FUT8: variants seen among roughly 807,000 people sequenced by gnomAD.
The protein encoded by FUT8 is alpha-(1,6)-fucosyltransferase.
In FUT8, 29 loss-of-function variants were observed where a neutral mutation model predicts 71.3. The ratio of observed to expected loss-of-function variants is 0.41; its 90% CI spans 0.30 to 0.55. FUT8 has a LOEUF of 0.55. Among genes scored for constraint, FUT8 ranks in the 20% least tolerant of loss-of-function variants. The pLI is 0.34. For missense variants in FUT8, 544 were observed against 702.1 expected (o/e 0.77, Z 2.55); for synonymous variants, 254 against 239.3 (o/e 1.06, Z -0.57).
rs1050346158 is a variant in FUT8, at chr14:65,652,419, T to C, written c.598-16824T>C. Among the ~76,000 whole-genome samples the C allele has an allele frequency of 2.0e-4, 31 of 152,186 alleles. No homozygotes were observed. The highest frequency in any genetic ancestry group is 1.2e-3 in the Admixed American group (19 of 15,284). On this transcript the variant is annotated intron_variant, in intron 6 of 10. Coordinates refer to ENST00000673929, the MANE Select transcript of FUT8 (RefSeq NM_001371533.1). The surrounding 1 kb of genome is among the most constrained non-coding windows in gnomAD (Gnocchi z 4.0). Reference sequence around the variant, plus strand: ...TGGAGAGCACATAAGAAAAAAACTTTTAGTGTACTTCTTCTTCTGGCCTTT... The same window carrying C: ...TGGAGAGCACATAAGAAAAAAACTTCTAGTGTACTTCTTCTTCTGGCCTTT...
the FUT8 span, among the ~76,000 whole-genome samples, chr14:65,379,494 C>T: frequency 6.6e-6 from 1 of 151,940 alleles, no homozygotes; most frequent in Non-Finnish European, 1.5e-5. Flanking sequence ...GGCGCCACTG[C>T]ACTCCAGCCT....
chr14:65,515,501 A>G (rs962080241), intron 2 of FUT8, among the ~76,000 whole-genome samples: 2 of 151,674 alleles, frequency 1.3e-5, no homozygotes, highest in Admixed American at 6.6e-5. Context: ...TTTTAATAAG[A>G]TTTCACTATA....
chr14:65,699,569 A>G (rs1422062740), intron 7 of FUT8, among the ~76,000 whole-genome samples: 1 of 152,174 alleles, frequency 6.6e-6, no homozygotes, highest in African/African-American at 2.4e-5. Flanking sequence ...TGTGAGCAAG[A>G]GATAAGTCAC....
chr14:65,712,122 T>A (rs967920956), intron 7 of FUT8, among the ~76,000 whole-genome samples: 23 of 152,252 alleles, frequency 1.5e-4, no homozygotes, highest in Admixed American at 1.4e-3. Flanking sequence ...TTAATATTTT[T>A]TGTTATCAAA....
chr14:65,412,339 GC>G (rs1480274288), upstream of FUT8: 2 of 456,038 alleles, frequency 4.4e-6, no homozygotes, highest in Non-Finnish European at 4.4e-6. Flanking sequence ...TAGTGCGGGT[GC>G]CCCCTAGGGC....
the FUT8 span, among the ~76,000 whole-genome samples, chr14:65,368,511 TTTG>T: frequency 1.5e-3 from 194 of 131,380 alleles, 17 homozygotes; most frequent in African/African-American, 5.0e-3. Context: ...TGGCTATTTT[TTTG>T]TTGTTGTTGT....
rs1891906835 is a variant in FUT8, at chr14:65,660,499, C to G, written c.598-8744C>G. ...GCTGCAGTCTTTCAGTCTATAAACT[C>G]TGTATCTTGGTATCTTTCCTCCCTT... On this transcript the variant is annotated intron_variant, in intron 6 of 10. Coordinates refer to ENST00000673929, the MANE Select transcript of FUT8 (RefSeq NM_001371533.1). The surrounding 1 kb of genome is among the most constrained non-coding windows in gnomAD (Gnocchi z 4.1). 6.6e-6 allele frequency among the ~76,000 whole-genome samples: 1 copy of G among 152,146 alleles called. No homozygotes were observed. Among genetic ancestry groups the G allele is most frequent in the Non-Finnish European group, 1.5e-5 (1 of 68,012 alleles).
chr14:65,507,474 G>A (rs2066753790), intron 2 of FUT8, among the ~76,000 whole-genome samples: 1 of 151,918 alleles, frequency 6.6e-6, no homozygotes, highest in African/African-American at 2.4e-5. Flanking sequence ...ACCTTTCCCA[G>A]CCTCTAGTAA....
At position 65,611,276 on chromosome 14, in the gene FUT8, CA is replaced by C. The variant is rs1566851435; in HGVS notation, c.204-4701del. On this transcript the variant is annotated intron_variant, in intron 3 of 10. Transcript: ENST00000673929. ...ACACACACACACACACACACACACACACACACACACACACACACACACACAC... is the reference window on the plus strand; with the variant it reads ...ACACACACACACACACACACACACACCACACACACACACACACACACACAC... Among the ~76,000 whole-genome samples, 9 of 51,772 alleles carry C rather than the reference CA, an allele frequency of 1.7e-4. 1 individual carries two copies. Among genetic ancestry groups the C allele is most frequent in the Admixed American group, 8.7e-4 (4 of 4,610 alleles). 34.0% of individuals were successfully genotyped at this position (51,772 alleles called of 152,430 possible). A position where few individuals can be genotyped will look rare whatever the true frequency, so the allele number is the denominator to read the frequency against.
At chr14:65,485,782 C>T (rs1190529470) in intron 2 of FUT8, among the ~76,000 whole-genome samples, 1 of 152,134 alleles carries the variant, frequency 6.6e-6, no homozygotes, top group Admixed American at 6.6e-5. Context: ...GTTTCATCAA[C>T]TCAAGTTAGT....
At chr14:65,591,595 T>G (rs1443867077) in intron 3 of FUT8, among the ~76,000 whole-genome samples, 1 of 152,078 alleles carries the variant, frequency 6.6e-6, no homozygotes, top group Admixed American at 6.5e-5. Context: ...TTATTAGAGG[T>G]AAGATAGAGT....
chr14:65,586,652 T>C (rs774705000), intron 3 of FUT8, among the ~76,000 whole-genome samples: 1 of 152,226 alleles, frequency 6.6e-6, no homozygotes, highest in Non-Finnish European at 1.5e-5. Context: ...ATAAAGACAT[T>C]AGTCCAGTAT....
At chr14:65,422,867 A>G (rs1210887687) in intron 1 of FUT8, among the ~76,000 whole-genome samples, 3 of 152,036 alleles carry the variant, frequency 2.0e-5, no homozygotes, top group Non-Finnish European at 2.9e-5. Flanking sequence ...GCCCAGGCCC[A>G]GGCTGATCTT....
chr14:65,412,575 T>C (rs1249922539), upstream of FUT8: 2 of 345,580 alleles, frequency 5.8e-6, no homozygotes, highest in Non-Finnish European at 5.7e-6. Flanking sequence ...GCGGCTCTGC[T>C]AGGCGGTGGA....
At chr14:65,701,902 A>G (rs1894311685) in intron 7 of FUT8, among the ~76,000 whole-genome samples, 1 of 152,184 alleles carries the variant, frequency 6.6e-6, no homozygotes, top group African/African-American at 2.4e-5. Flanking sequence ...TTATTCCATG[A>G]AGAGTCATTT....
At chr14:65,584,820 A>G (rs1462262209) in intron 3 of FUT8, among the ~76,000 whole-genome samples, 2 of 152,180 alleles carry the variant, frequency 1.3e-5, no homozygotes, top group Non-Finnish European at 2.9e-5. Flanking sequence ...TAGTTTGTGT[A>G]TGTTTGTATT....
At chr14:65,449,393 T>G (rs1254198245) in intron 1 of FUT8, among the ~76,000 whole-genome samples, 1 of 152,224 alleles carries the variant, frequency 6.6e-6, no homozygotes, top group Non-Finnish European at 1.5e-5. Context: ...TAGTCTCTAG[T>G]TTTTGTTAGT....
chr14:65,408,389 T>C (rs1357222100), upstream of FUT8, among the ~76,000 whole-genome samples: 1 of 152,094 alleles, frequency 6.6e-6, no homozygotes, highest in Non-Finnish European at 1.5e-5. Flanking sequence ...CCAGCCCAAC[T>C]GCAAGGGGAG....
chr14:65,454,879 G>T (rs779272908), intron 1 of FUT8, among the ~76,000 whole-genome samples: 3 of 152,150 alleles, frequency 2.0e-5, no homozygotes, highest in Non-Finnish European at 4.4e-5. Flanking sequence ...TGAGGGAGAG[G>T]CAGCAACAAA....
Sources: allele counts gnomAD v4.1 joint callset (sites outside exome capture counted in the v4.1 genomes callset), GRCh38; gene constraint gnomAD v4.1.1; non-coding constraint Gnocchi (gnomAD v3.1); transcripts MANE v1.5; gene names NCBI Gene and HGNC (gene_info 2026-07-23, HGNC 2026-07-21).